The following LARGE1 variants were observed in gnomAD, a reference collection of about 807,000 sequenced individuals.
LARGE1 encodes the protein xylosyl- and glucuronyltransferase LARGE1.
LARGE1 carries 43 observed loss-of-function variants against 87.6 expected under a neutral mutation model. That is an observed-to-expected ratio of 0.49 (90% CI 0.38 to 0.63). The LOEUF (loss-of-function observed/expected upper bound fraction) is 0.63, where lower values mean the gene tolerates loss of function less well. Among genes scored for constraint, LARGE1 ranks in the 30% least tolerant of loss-of-function variants. The pLI is 0.00. For synonymous variants in LARGE1, 434 were observed against 394.6 expected, an observed-to-expected ratio of 1.10 and a Z score of -1.18; for missense variants, 802 against 1,000.2, an observed-to-expected ratio of 0.80 and a Z score of 2.67.
intron 1 of LARGE1, among the ~76,000 whole-genome samples, chr22:33,844,337 T>C: frequency 6.6e-6 from 1 of 152,200 alleles, no homozygotes; most frequent in Non-Finnish European, 1.5e-5. Context: ...AAATTCAATG[T>C]ATTCCTCCTG....
chr22:33,448,631 G>C (rs1455508296), intron 6 of LARGE1, among the ~76,000 whole-genome samples: 4 of 152,054 alleles, frequency 2.6e-5, no homozygotes, highest in Non-Finnish European at 5.9e-5. Flanking sequence ...TCAAACTCTT[G>C]TTTTTTCCCC....
chr22:33,345,900 GA>G (rs1939690526), intron 9 of LARGE1, among the ~76,000 whole-genome samples: 1 of 152,188 alleles, frequency 6.6e-6, no homozygotes, highest in Non-Finnish European at 1.5e-5. Flanking sequence ...AAACAGTGAA[GA>G]AATCAGAGCC....
chr22:33,253,698 C>T (rs777621670), intron 11 of LARGE1, among the ~76,000 whole-genome samples: 1 of 152,058 alleles, frequency 6.6e-6, no homozygotes, highest in Non-Finnish European at 1.5e-5. Context: ...GACGACAGAG[C>T]GAGACTCCAT....
intron 1 of LARGE1, among the ~76,000 whole-genome samples, chr22:33,887,581 A>G (rs1235164784): frequency 3.3e-5 from 5 of 152,148 alleles, no homozygotes; most frequent in Non-Finnish European, 5.9e-5. Flanking sequence ...TACTAAAAAT[A>G]CAAAAATTAG....
At chr22:33,743,375 C>A (rs573080479) in intron 2 of LARGE1, among the ~76,000 whole-genome samples, 1 of 152,272 alleles carries the variant, frequency 6.6e-6, no homozygotes, top group African/African-American at 2.4e-5. Flanking sequence ...CCACACAGCT[C>A]TTCCCACCGA....
At chr22:33,715,279 C>A (rs1476018374) in intron 2 of LARGE1, among the ~76,000 whole-genome samples, 1 of 152,164 alleles carries the variant, frequency 6.6e-6, no homozygotes, top group Admixed American at 6.5e-5. Flanking sequence ...TAACATCACT[C>A]ATGAATCTCT....
At chr22:33,264,712 C>T (rs1412128133) in intron 11 of LARGE1, among the ~76,000 whole-genome samples, 1 of 151,906 alleles carries the variant, frequency 6.6e-6, no homozygotes, top group Non-Finnish European at 1.5e-5. Flanking sequence ...CCTTTTCCTT[C>T]TGGTGCAACA....
chr22:33,626,252 C>G lies in LARGE1; in HGVS notation c.483G>C (p.Leu161=). The G allele has an allele frequency of 6.2e-7, 1 of 1,613,952 alleles. No individual in the cohort carries two copies. Among genetic ancestry groups the G allele is most frequent in the Non-Finnish European group, 8.5e-7 (1 of 1,179,820 alleles). The change falls in exon 4 of 15, where the codon CTG becomes CTC. Residue 161 remains leucine (L), a synonymous_variant. Transcript: ENST00000397394. The part of the protein sequence containing the change: ...RDVVTLVKSV[L]FHRRNPLHFH... ...ACAGAAGTTGTTCTTACCTATGGAA[C>G]AGGACGGATTTGACCAGGGTGACGA...
intron 11 of LARGE1, among the ~76,000 whole-genome samples, chr22:33,219,125 T>C (rs961161372): frequency 2.6e-5 from 4 of 152,220 alleles, no homozygotes; most frequent in African/African-American, 9.7e-5. Context: ...AACAAATGTA[T>C]TGAGGCACTG....
At chr22:33,614,971 G>A (rs1031216316) in intron 4 of LARGE1, among the ~76,000 whole-genome samples, 11 of 152,072 alleles carry the variant, frequency 7.2e-5, no homozygotes, top group African/African-American at 1.2e-4. Context: ...GACCATCTAC[G>A]CTTCACCCCG....
chr22:33,431,057 T>C (rs1016995594), intron 7 of LARGE1, among the ~76,000 whole-genome samples: 1 of 152,236 alleles, frequency 6.6e-6, no homozygotes, highest in Non-Finnish European at 1.5e-5. Context: ...TACTGTTCCC[T>C]GAGTTCCACA....
At chr22:33,836,852 T>C (rs1568973162) in intron 1 of LARGE1, among the ~76,000 whole-genome samples, 1 of 150,540 alleles carries the variant, frequency 6.6e-6, no homozygotes, top group Non-Finnish European at 1.5e-5. Context: ...CCTGGAACAC[T>C]GTAAGTACCA....
At chr22:33,447,135 C>G (rs2067714908) in intron 6 of LARGE1, among the ~76,000 whole-genome samples, 1 of 152,198 alleles carries the variant, frequency 6.6e-6, no homozygotes, top group Non-Finnish European at 1.5e-5. Context: ...CTCAGGTGAT[C>G]CACCCGTCTT....
intron 11 of LARGE1, among the ~76,000 whole-genome samples, chr22:33,183,636 A>ACGCACG (rs71187246): frequency 0.059 from 8,790 of 150,184 alleles, 303 homozygotes; most frequent in East Asian, 0.17. Flanking sequence ...ACACACACAC[A>ACGCACG]CACACACACA....
At chr22:33,466,934 G>A (rs2068643231) in intron 6 of LARGE1, among the ~76,000 whole-genome samples, 1 of 152,108 alleles carries the variant, frequency 6.6e-6, no homozygotes, top group Admixed American at 6.6e-5. Context: ...CACCTACTTG[G>A]GAAGCTGAGG....
intron 9 of LARGE1, among the ~76,000 whole-genome samples, chr22:33,365,977 G>A (rs531878710): frequency 3.3e-5 from 5 of 152,142 alleles, no homozygotes; most frequent in East Asian, 3.9e-4. Flanking sequence ...TTAAATTTAC[G>A]GATTCATTCA....
At chr22:33,213,558 A>G (rs1602101207) in intron 11 of LARGE1, among the ~76,000 whole-genome samples, 1 of 152,204 alleles carries the variant, frequency 6.6e-6, no homozygotes, top group South Asian at 2.1e-4. Context: ...GCTTCCAGCA[A>G]CCGCCAACCT....
the LARGE1 span, among the ~76,000 whole-genome samples, chr22:33,135,702 C>T: frequency 2.2e-3 from 333 of 152,050 alleles, 1 homozygote; most frequent in East Asian, 0.02. Flanking sequence ...TAGCCGGGCA[C>T]GGTGGCACAT....
Position 33,551,956 on chromosome 22 carries a change from T to G in LARGE1, c.787+12892A>C, listed in dbSNP as rs548877806. Among the ~76,000 whole-genome samples, 20 of 130,820 alleles carry G rather than the reference T, an allele frequency of 1.5e-4. 1 individual carries two copies. The South Asian group carries it at 2.9e-3, about 19-fold the overall frequency. 85.8% of individuals were successfully genotyped at this position (130,820 alleles called of 152,430 possible). A position where few individuals can be genotyped will look rare whatever the true frequency, so the allele number is the denominator to read the frequency against. ...ATGCAGTGAGCCGAGATCGCGCCAC[T>G]GCACTCCAGCCTGGGCGACAGAGCA... On this transcript the variant is annotated intron_variant, in intron 6 of 14. Transcript: ENST00000397394.
Sources: allele counts gnomAD v4.1 joint callset (sites outside exome capture counted in the v4.1 genomes callset), GRCh38; gene constraint gnomAD v4.1.1; transcripts MANE v1.5; gene names NCBI Gene and HGNC (gene_info 2026-07-23, HGNC 2026-07-21).